The following CNTNAP2 variants were observed in gnomAD, a reference collection of about 807,000 sequenced individuals.
CNTNAP2 encodes contactin associated protein 2.
CNTNAP2 carries 98 observed loss-of-function variants against 155.2 expected under a neutral mutation model. The observed-to-expected ratio is 0.63, with a 90% confidence interval of 0.54 to 0.75. The LOEUF is 0.75. Ranked by LOEUF, CNTNAP2 falls within the 30% of genes least tolerant of loss-of-function variation. CNTNAP2 has a pLI of 0.00. For synonymous variants in CNTNAP2, 651 were observed against 631.2 expected (o/e 1.03, Z -0.47); for missense variants, 1,727 against 1,688.1 (o/e 1.02, Z -0.40).
intron 1 of CNTNAP2, among the ~76,000 whole-genome samples, chr7:146,707,896 G>A (rs75115623): frequency 0.024 from 3,577 of 152,082 alleles, 80 homozygotes; most frequent in Non-Finnish European, 0.032. Context: ...AGTATGTAGG[G>A]TAGGCATAGC....
intron 1 of CNTNAP2, among the ~76,000 whole-genome samples, chr7:146,644,286 TG>T (rs1799769902): frequency 1.3e-5 from 2 of 152,302 alleles, no homozygotes; most frequent in South Asian, 4.1e-4. Context: ...ATATTGGCTG[TG>T]GGTTTGTCAT....
At chr7:147,404,841 G>C (rs1345091356) in intron 10 of CNTNAP2, among the ~76,000 whole-genome samples, 1 of 152,102 alleles carries the variant, frequency 6.6e-6, no homozygotes, top group Non-Finnish European at 1.5e-5. Context: ...TTGCCTCTCT[G>C]AAGTGATTTC....
At chr7:147,707,677 G>C (rs998463055) in intron 13 of CNTNAP2, among the ~76,000 whole-genome samples, 1 of 152,212 alleles carries the variant, frequency 6.6e-6, no homozygotes, top group African/African-American at 2.4e-5. Flanking sequence ...TGGGTGGGTA[G>C]GTTATCAGAC....
chr7:147,635,784 G>C (rs1795170906), intron 12 of CNTNAP2, among the ~76,000 whole-genome samples: 1 of 152,076 alleles, frequency 6.6e-6, no homozygotes, highest in Admixed American at 6.6e-5. Flanking sequence ...CCATTATATT[G>C]AAAAGACGTT....
chr7:147,066,926 G>A (rs1055850458), intron 4 of CNTNAP2, among the ~76,000 whole-genome samples: 1 of 152,164 alleles, frequency 6.6e-6, no homozygotes, highest in African/African-American at 2.4e-5. Context: ...CCCTGTACAA[G>A]GTTGCAGACT....
At chr7:146,680,244 T>C (rs1193089947) in intron 1 of CNTNAP2, among the ~76,000 whole-genome samples, 1 of 152,198 alleles carries the variant, frequency 6.6e-6, no homozygotes, top group Non-Finnish European at 1.5e-5. Flanking sequence ...CCTAGACTTT[T>C]GGATTATGTA....
intron 1 of CNTNAP2, among the ~76,000 whole-genome samples, chr7:146,374,991 A>T (rs911693690): frequency 6.6e-6 from 1 of 152,182 alleles, no homozygotes; most frequent in Non-Finnish European, 1.5e-5. Context: ...TTAAAGTGTG[A>T]TTCAGATATT....
chr7:147,237,611 G>T (rs573059491), intron 8 of CNTNAP2, among the ~76,000 whole-genome samples: 1 of 152,270 alleles, frequency 6.6e-6, no homozygotes, highest in South Asian at 2.1e-4. Context: ...AAGGTCAGGG[G>T]TCATGTCTAT....
chr7:148,150,461 T>C (rs1162554176), intron 17 of CNTNAP2, among the ~76,000 whole-genome samples: 1 of 151,762 alleles, frequency 6.6e-6, no homozygotes, highest in African/African-American at 2.4e-5. Flanking sequence ...GGCAGGAGAA[T>C]GGTGTGAACC....
chr7:146,472,869 A>G (rs1213515979), intron 1 of CNTNAP2, among the ~76,000 whole-genome samples: 1 of 151,254 alleles, frequency 6.6e-6, no homozygotes, highest in Non-Finnish European at 1.5e-5. Flanking sequence ...CTCTTTTAAT[A>G]TTATCATTTT....
chr7:147,642,425 AC>A (rs1233708579), intron 13 of CNTNAP2, among the ~76,000 whole-genome samples: 30 of 152,150 alleles, frequency 2.0e-4, no homozygotes, highest in Admixed American at 5.9e-4. Flanking sequence ...AAAATAGTTC[AC>A]CTTTAGTGCT....
intron 13 of CNTNAP2, among the ~76,000 whole-genome samples, chr7:147,839,708 C>T (rs1480004329): frequency 1.3e-5 from 2 of 152,100 alleles, no homozygotes; most frequent in Admixed American, 6.6e-5. Flanking sequence ...GAAAACAGAA[C>T]TGCAGTTTGA....
intron 3 of CNTNAP2, among the ~76,000 whole-genome samples, chr7:147,006,919 C>T (rs749597207): frequency 2.4e-4 from 36 of 152,122 alleles, no homozygotes; most frequent in Middle Eastern, 3.4e-3. Context: ...TGCTGAAAGC[C>T]GAGTCAGGGT....
chr7:147,487,591 C>T (rs1798532382), intron 11 of CNTNAP2, among the ~76,000 whole-genome samples: 2 of 152,030 alleles, frequency 1.3e-5, no homozygotes, highest in South Asian at 2.1e-4. Flanking sequence ...AGCAAGAAAT[C>T]GGTGGTGGTT....
chr7:147,052,709 GA>G (rs890139439), intron 4 of CNTNAP2, among the ~76,000 whole-genome samples: 2 of 150,416 alleles, frequency 1.3e-5, no homozygotes, highest in African/African-American at 4.9e-5. Flanking sequence ...CTTATCAGAG[GA>G]AAAAAAACCA....
chr7:147,174,559 G>A (rs1363795609), intron 8 of CNTNAP2, among the ~76,000 whole-genome samples: 2 of 152,104 alleles, frequency 1.3e-5, no homozygotes, highest in East Asian at 1.9e-4. Context: ...GAAAGGAACC[G>A]TGACTTAGAA....
chr7:146,633,722 C>G (rs1799547352), intron 1 of CNTNAP2, among the ~76,000 whole-genome samples: 1 of 149,354 alleles, frequency 6.7e-6, no homozygotes, highest in African/African-American at 2.5e-5. Flanking sequence ...CCAGCTACCT[C>G]GGGAGGCTGA....
chr7:146,238,012 T>G (rs1280800343), intron 1 of CNTNAP2, among the ~76,000 whole-genome samples: 2 of 152,196 alleles, frequency 1.3e-5, no homozygotes, highest in South Asian at 2.1e-4. Flanking sequence ...AGCAAGCTTA[T>G]GTATATGATT....
At chr7:146,728,635 A>C (rs1801473907) in intron 1 of CNTNAP2, among the ~76,000 whole-genome samples, 1 of 151,722 alleles carries the variant, frequency 6.6e-6, no homozygotes, top group African/African-American at 2.4e-5. Context: ...ACGAAACAAC[A>C]GCCTTTGTCC....
Sources: gnomAD v4.1 joint callset for allele counts (sites outside exome capture counted in the v4.1 genomes callset) on GRCh38, gnomAD v4.1.1 for gene constraint, MANE v1.5 for transcripts, NCBI Gene and HGNC (gene_info 2026-07-23, HGNC 2026-07-21) for gene names.